PCNX3: variants seen among roughly 807,000 people sequenced by gnomAD.
The protein encoded by PCNX3 is pecanex 3.
Under a neutral mutation model 207.2 loss-of-function variants are expected in PCNX3, and 58 were observed. That is an observed-to-expected ratio of 0.28 (90% CI 0.23 to 0.35). PCNX3 has a LOEUF of 0.35. Among genes scored for constraint, PCNX3 ranks in the 10% least tolerant of loss-of-function variants. The probability of loss-of-function intolerance (pLI) is 1.00; values close to 1 mark genes in which losing one functional copy is unlikely to be tolerated. For missense variants in PCNX3, 2,410 were observed against 2,774.4 expected (o/e 0.87, Z 2.95); for synonymous variants, 1,337 against 1,183.5 (o/e 1.13, Z -2.66).
At chr11:65,620,141 G>T (rs368603695) in intron 8 of PCNX3, among the ~76,000 whole-genome samples, 198 bp from the exon 9 acceptor site, 17 of 152,348 alleles carry the variant, frequency 1.1e-4, no homozygotes, top group African/African-American at 4.1e-4. Context: ...CAGTACAGGG[G>T]AGATCTAAAG....
At chr11:65,631,646 A>G (rs375144125) in intron 27 of PCNX3, among the ~76,000 whole-genome samples, 1 of 152,198 alleles carries the variant, frequency 6.6e-6, no homozygotes, top group East Asian at 1.9e-4. Flanking sequence ...GCAACAGAGC[A>G]AGACTGTCTC....
Position 65,636,436 on chromosome 11 carries a change from G to C in PCNX3, c.5639G>C (p.Arg1880Pro), listed in dbSNP as rs368323220. The C allele has an allele frequency of 1.8e-4, 274 of 1,555,154 alleles. No individual in the cohort carries two copies. Among genetic ancestry groups the C allele is most frequent in the Non-Finnish European group, 2.3e-4 (266 of 1,151,840 alleles). Residue 1880 changes from arginine to proline, a missense_variant, in exon 34 of 35, where the codon CGG (arginine) becomes CCG (proline). By Grantham distance (103) the Arg-to-Pro change is moderately radical. This residue lies in a region of PCNX3 where 278 missense variants were observed against 245.1 expected (regional missense o/e 1.13). Coordinates refer to ENST00000355703, the MANE Select transcript of PCNX3 (RefSeq NM_032223.4). ...CCACCAGGCCCTGGCTGGGGGCCGC[G>C]GTCCTCCCTGAGTGGCTCTGGTGAT... ...PLPPGPGWGP[R>P]SSLSGSGDGR...
intron 11 of PCNX3, 120 bp from the exon 12 acceptor site, chr11:65,623,371 A>G: frequency 2.3e-6 from 3 of 1,321,312 alleles, no homozygotes; most frequent in Non-Finnish European, 3.0e-6. Context: ...TCTTCAGAGG[A>G]CAAGGGTCTG....
chr11:65,615,947 C>G lies in PCNX3; in HGVS notation c.-365C>G, dbSNP rs140542060. The stretch of plus-strand genomic sequence containing the variant: ...GGTCCGGAGACTAGGGAGCTGTCGC[C>G]TGCACCCCGGGAGCACCCACCCCAC... On this transcript the variant is annotated 5_prime_UTR_variant, in exon 1 of 35. Coordinates refer to ENST00000355703, the MANE Select transcript of PCNX3 (RefSeq NM_032223.4). 2,290 of 163,982 alleles carry G rather than the reference C, an allele frequency of 0.014. 47 individuals carry two copies. The highest frequency in any genetic ancestry group is 0.051 in the African/African-American group (2,145 of 41,972). 10.2% of individuals were successfully genotyped at this position (163,982 alleles called of 1,614,324 possible). A position where few individuals can be genotyped will look rare whatever the true frequency, so the allele number is the denominator to read the frequency against.
At position 65,623,962 on chromosome 11, in the gene PCNX3, G is replaced by A. The variant is rs780503264; in HGVS notation, c.2544+1G>A. On this transcript the variant is annotated splice_donor_variant, in intron 13 of 34. Transcript: ENST00000355703. LOFTEE classifies it high-confidence loss of function. ...GCCTGATGCGGCGTCCCCCATGCAC[G>A]TGAGTACCCATGGAGCAGCGCCTCT... is the stretch of plus-strand genomic sequence containing the variant. 1 of 1,611,658 alleles carries A rather than the reference G, an allele frequency of 6.2e-7. No homozygotes were observed. Among genetic ancestry groups the A allele is most frequent in the Admixed American group, 1.7e-5 (1 of 60,018 alleles).
At position 65,619,833 on chromosome 11, in the gene PCNX3, T is replaced by C. The variant is rs774598122; in HGVS notation, c.1909T>C (p.Ser637Pro). Residue 637 changes from serine (S) to proline (P), a missense_variant, in exon 8 of 35, where the codon TCT (serine) becomes CCT (proline). Ser to Pro is a moderately conservative substitution (Grantham distance 74). This residue lies in a region of PCNX3 where 1,104 missense variants were observed against 970.3 expected (regional missense o/e 1.14). Coordinates refer to ENST00000355703, the MANE Select transcript of PCNX3 (RefSeq NM_032223.4). ...LTLPSALHFA[S>P]SLLLTRAGAN... ...GCTGCCCTCTGCGCTGCATTTCGCCTCTTCACTGTTGCTCACCCGGGCCGG... is the reference window on the plus strand; with the variant it reads ...GCTGCCCTCTGCGCTGCATTTCGCCCCTTCACTGTTGCTCACCCGGGCCGG... 6.2e-7 allele frequency: 1 copy of C among 1,606,860 alleles called. No homozygotes were observed. The highest frequency in any genetic ancestry group is 1.1e-5 in the South Asian group (1 of 90,500).
intron 9 of PCNX3, 64 bp downstream of exon 9, chr11:65,620,493 C>T (rs1855029101): frequency 1.3e-6 from 2 of 1,553,310 alleles, no homozygotes; most frequent in East Asian, 4.5e-5. Context: ...GGGAAGTTCC[C>T]TGAGCCTGGA....
At chr11:65,630,718 G>A in intron 27 of PCNX3, 114 bp downstream of exon 27, 4 of 1,416,112 alleles carry the variant, frequency 2.8e-6, no homozygotes, top group Non-Finnish European at 3.8e-6. Context: ...TCCAAGGGAA[G>A]CTGAGGCCTC....
At position 65,637,278 on chromosome 11, in the gene PCNX3, C is replaced by T; in HGVS notation, c.*300C>T. ...GAGCCTGTGGCCAGGACCACCTCAG[C>T]CCCTGGGCCTGCACTGCCTGCAGGT... On this transcript the variant is annotated 3_prime_UTR_variant, in exon 35 of 35. Transcript: ENST00000355703. The T allele has an allele frequency of 2.2e-6, 1 of 446,152 alleles. No individual in the cohort carries two copies. The highest frequency in any genetic ancestry group is 3.3e-5 in the South Asian group (1 of 30,380). 27.6% of individuals were successfully genotyped at this position (446,152 alleles called of 1,614,324 possible).
Position 65,624,571 on chromosome 11 carries a change from C to T in PCNX3, c.2817C>T (p.Phe939=), listed in dbSNP as rs764648456. The part of the protein sequence containing the change: ...YLLEQIDMHG[F]GGTAATSPLT... ...TGGAGCAAATAGATATGCACGGCTTCGGGGGCACAGGTATGATGCCCACAG... is the reference window on the plus strand; with the variant it reads ...TGGAGCAAATAGATATGCACGGCTTTGGGGGCACAGGTATGATGCCCACAG... The change falls in exon 15 of 35, where the codon TTC becomes TTT. Residue 939 remains phenylalanine, a synonymous_variant. Transcript: ENST00000355703. The T allele has an allele frequency of 1.4e-5, 23 of 1,597,318 alleles. No homozygotes were observed. Among genetic ancestry groups the T allele is most frequent in the African/African-American group, 4.0e-5 (3 of 74,676 alleles).
chr11:65,635,224 T>C lies in PCNX3; in HGVS notation c.4960T>C (p.Phe1654Leu), dbSNP rs1855779600. 1 of 1,588,750 alleles carries C rather than the reference T, an allele frequency of 6.3e-7. No homozygotes were observed. Among genetic ancestry groups the C allele is most frequent in the African/African-American group, 1.3e-5 (1 of 74,318 alleles). ...TTCCCGTCTTCTCTACCAGGACCAC[T>C]TCACGTCCCCAGATGAATATGAGGA... ...RMALKLHQDH[F>L]TSPDEYEEPA... is the part of the protein sequence containing the mutation. The change falls in exon 31 of 35, where the codon TTC becomes CTC. Residue 1654 changes from phenylalanine (F) to leucine (L), a missense_variant. Around this residue, in one of 8 missense-constraint regions of PCNX3, gnomAD observed 420 missense variants for 705.3 expected, o/e 0.60. Coordinates refer to ENST00000355703, the MANE Select transcript of PCNX3 (RefSeq NM_032223.4). This position sits in a 1 kb window ranked among gnomAD's most constrained non-coding sequence, Gnocchi z 9.9.
rs756034548 is a variant in PCNX3, at chr11:65,636,143, C to T, written c.5460-31C>T. ...GGCCTCTGGCCTCAGCCGTGTCCCTCCTGATCCCTTTTCTACCTCTCCACC... is the reference window on the plus strand; with the variant it reads ...GGCCTCTGGCCTCAGCCGTGTCCCTTCTGATCCCTTTTCTACCTCTCCACC... On this transcript the variant is annotated intron_variant, in intron 32 of 34. Coordinates refer to ENST00000355703, the MANE Select transcript of PCNX3 (RefSeq NM_032223.4). 8 of 1,583,214 alleles carry T rather than the reference C, an allele frequency of 5.1e-6. No homozygotes were observed. The East Asian group carries it at 1.9e-4, about 37-fold the overall frequency.
chr11:65,634,591 T>A lies in PCNX3; in HGVS notation c.4755T>A (p.Cys1585Ter). The A allele has an allele frequency of 6.2e-7, 1 of 1,605,240 alleles. No individual in the cohort carries two copies. The highest frequency in any genetic ancestry group is 8.5e-7 in the Non-Finnish European group (1 of 1,178,932). The change falls in exon 29 of 35, where the codon TGT (cysteine) becomes TGA (stop). Residue 1585 changes from cysteine (C) to a stop codon, truncating the protein, a stop_gained. Transcript: ENST00000355703. LOFTEE classifies it high-confidence loss of function. Reference protein sequence around the residue: ...SPLVTLCFGLCVLGRRALGTA... With the variant: ...SPLVTLCFGL ...TGGTCACGCTGTGTTTTGGCCTGTG[T>A]GTGCTGGGCCGCCGGGCCCTGGGGA...
Position 65,618,416 on chromosome 11 carries a change from G to A in PCNX3, c.1054G>A (p.Gly352Arg), listed in dbSNP as rs749312723. ...EAELPASPDA[G>R]VPSDDTLRSF... ...TGAGCTGCCTGCCTCACCAGACGCC[G>A]GGGTCCCCTCAGATGACACGCTGCG... is the stretch of plus-strand genomic sequence containing the variant. Residue 352 changes from glycine to arginine, a missense_variant, in exon 6 of 35, where the codon GGG becomes AGG. By Grantham distance (125) the Gly-to-Arg change is moderately radical. Coordinates refer to ENST00000355703, the MANE Select transcript of PCNX3 (RefSeq NM_032223.4). 13 of 1,612,312 alleles carry A rather than the reference G, an allele frequency of 8.1e-6. No individual in the cohort carries two copies. The highest frequency in any genetic ancestry group is 6.7e-5 in the African/African-American group (5 of 74,918).
In PCNX3 at chr11:65,620,818, G is replaced by A. The variant is rs750736678; in HGVS notation, c.2100-13G>A. ...CGCCCGTGGGGGGATCCTGATGGCTGCTGTTCTCACAGGGACCGACACTCG... is the reference window on the plus strand; with the variant it reads ...CGCCCGTGGGGGGATCCTGATGGCTACTGTTCTCACAGGGACCGACACTCG... On this transcript the variant is annotated splice_polypyrimidine_tract_variant and intron_variant, in intron 9 of 34. Transcript: ENST00000355703. 4.4e-6 allele frequency: 7 copies of A among 1,593,850 alleles called. No homozygotes were observed. The highest frequency in any genetic ancestry group is 6.0e-6 in the Non-Finnish European group (7 of 1,171,330).
intron 27 of PCNX3, among the ~76,000 whole-genome samples, chr11:65,633,880 A>C (rs1401112237): frequency 1.3e-5 from 2 of 152,252 alleles, no homozygotes; most frequent in Non-Finnish European, 2.9e-5. Flanking sequence ...TGTGAGTGCT[A>C]GCCCCAGCAC....
chr11:65,621,769 T>C (rs1302711734), intron 10 of PCNX3, among the ~76,000 whole-genome samples: 2 of 152,230 alleles, frequency 1.3e-5, no homozygotes, highest in Non-Finnish European at 2.9e-5. Flanking sequence ...GGTCAAGTCA[T>C]GTGCCCAGGG....
intron 9 of PCNX3, 55 bp from the exon 10 acceptor site, chr11:65,620,776 C>T: frequency 6.4e-7 from 1 of 1,568,094 alleles, no homozygotes; most frequent in Non-Finnish European, 8.6e-7. Context: ...GCCTCGACCC[C>T]ACCCAGCCCC....
chr11:65,620,243 G>A lies in PCNX3; in HGVS notation c.2009-96G>A. 15 of 1,264,710 alleles carry A rather than the reference G, an allele frequency of 1.2e-5. No homozygotes were observed. In the South Asian group the frequency reaches 2.1e-4, roughly 17 times the overall value. The allele number at this position is 1,264,710 out of a possible 1,614,324, so 78.3% of individuals were successfully genotyped here. ...TGCCCTCTCAGAGGACACAGCACAAGGTTCTGCCTCATTTGATGGGTCTGG... is the reference window on the plus strand; with the variant it reads ...TGCCCTCTCAGAGGACACAGCACAAAGTTCTGCCTCATTTGATGGGTCTGG... On this transcript the variant is annotated intron_variant, in intron 8 of 34. Transcript: ENST00000355703.
Sources: allele counts gnomAD v4.1 joint callset (sites outside exome capture counted in the v4.1 genomes callset), GRCh38; gene constraint gnomAD v4.1.1; regional missense constraint gnomAD v4.1.1; non-coding constraint Gnocchi (gnomAD v3.1); transcripts MANE v1.5; gene names NCBI Gene and HGNC (gene_info 2026-07-23, HGNC 2026-07-21).